The following ASTN2 variants were observed in gnomAD, a reference collection of about 807,000 sequenced individuals.
ASTN2 encodes the protein astrotactin 2, also known as astrotactin-2.
ASTN2 carries 54 observed loss-of-function variants against 139.8 expected under a neutral mutation model. The ratio of observed to expected loss-of-function variants is 0.39; its 90% CI spans 0.31 to 0.48. ASTN2 has a LOEUF of 0.48. Among genes scored for constraint, ASTN2 ranks in the 20% least tolerant of loss-of-function variants. The probability of loss-of-function intolerance (pLI) is 0.95; values close to 1 mark genes in which losing one functional copy is unlikely to be tolerated. For synonymous variants in ASTN2, 756 were observed against 719.5 expected (o/e 1.05, Z -0.81); for missense variants, 1,565 against 1,725.1 (o/e 0.91, Z 1.64).
At chr9:117,125,020 C>T (rs1237495967) in intron 4 of ASTN2, among the ~76,000 whole-genome samples, 1 of 152,132 alleles carries the variant, frequency 6.6e-6, no homozygotes, top group Non-Finnish European at 1.5e-5. Flanking sequence ...TCTACAAACA[C>T]AAGACATTGC....
chr9:116,620,343 C>T lies in ASTN2; in HGVS notation c.3173G>A (p.Gly1058Glu). ...CAGAAGGGGGCTGCAGTTGGGGAGC[C>T]CATTGGCATCAAAGGCGCTGAGGTC... ...RCDLSAFDAN[G>E]LPNCSPLLQP... Residue 1058 changes from glycine to glutamate, a missense_variant, in exon 18 of 23, where the codon GGG (glycine) becomes GAG (glutamate). Transcript: ENST00000313400. 1 of 1,614,062 alleles carries T rather than the reference C, an allele frequency of 6.2e-7. No individual in the cohort carries two copies. Among genetic ancestry groups the T allele is most frequent in the Non-Finnish European group, 8.5e-7 (1 of 1,180,016 alleles).
intron 16 of ASTN2, among the ~76,000 whole-genome samples, chr9:116,665,992 A>T (rs1163477291): frequency 6.6e-6 from 1 of 152,214 alleles, no homozygotes; most frequent in Non-Finnish European, 1.5e-5. Context: ...ATTTCAGGGT[A>T]ACCATATTTT....
At chr9:116,955,637 C>A (rs551269323) in intron 10 of ASTN2, among the ~76,000 whole-genome samples, 1 of 152,310 alleles carries the variant, frequency 6.6e-6, no homozygotes, top group East Asian at 1.9e-4. Context: ...GGAAAAATTA[C>A]CAGCTTTGGA....
At chr9:117,193,639 C>CA (rs61700943) in intron 3 of ASTN2, among the ~76,000 whole-genome samples, 2,850 of 106,086 alleles carry the variant, frequency 0.027, 125 homozygotes, top group East Asian at 0.09. Flanking sequence ...ATTCAGTCAC[C>CA]AAAAAAAAAA....
intron 19 of ASTN2, among the ~76,000 whole-genome samples, chr9:116,529,380 T>C (rs1290914016): frequency 1.3e-5 from 2 of 152,136 alleles, no homozygotes; most frequent in African/African-American, 2.4e-5. Flanking sequence ...ATTTCTCCCA[T>C]TTGTAATGAG....
intron 1 of ASTN2, among the ~76,000 whole-genome samples, chr9:117,399,745 G>C (rs1188504123): frequency 6.6e-6 from 1 of 152,184 alleles, no homozygotes; most frequent in African/African-American, 2.4e-5. Flanking sequence ...ATTACTAAAA[G>C]GTCTTAACAC....
intron 2 of ASTN2, among the ~76,000 whole-genome samples, chr9:117,286,728 G>T (rs1203869045): frequency 6.6e-6 from 1 of 152,190 alleles, no homozygotes; most frequent in African/African-American, 2.4e-5. Flanking sequence ...TCTATAAAAT[G>T]CTGGCATGAG....
At chr9:116,629,789 A>G (rs980157177) in intron 17 of ASTN2, among the ~76,000 whole-genome samples, 2 of 152,160 alleles carry the variant, frequency 1.3e-5, no homozygotes, top group African/African-American at 2.4e-5. Context: ...GGAAGAAGAC[A>G]TTTAGAACCA....
At chr9:116,590,067 G>C (rs1854317426) in intron 19 of ASTN2, among the ~76,000 whole-genome samples, 1 of 152,218 alleles carries the variant, frequency 6.6e-6, no homozygotes, top group African/African-American at 2.4e-5. Context: ...AAAGACACCG[G>C]CTGCAGCAGG....
intron 20 of ASTN2, among the ~76,000 whole-genome samples, chr9:116,473,611 T>C (rs1317893089): frequency 6.6e-6 from 1 of 152,126 alleles, no homozygotes; most frequent in Non-Finnish European, 1.5e-5. Context: ...TAAAGACCTA[T>C]TCAAGGCCAG....
intron 19 of ASTN2, among the ~76,000 whole-genome samples, chr9:116,590,123 A>G (rs1171665583): frequency 6.6e-6 from 1 of 152,188 alleles, no homozygotes. Context: ...GGCAGGAGCT[A>G]GGAACAGGTA....
At chr9:116,768,552 A>G (rs1829873607) in intron 13 of ASTN2, among the ~76,000 whole-genome samples, 1 of 152,200 alleles carries the variant, frequency 6.6e-6, no homozygotes, top group Non-Finnish European at 1.5e-5. Context: ...CTATGGTCTG[A>G]ATATTTCTGT....
intron 5 of ASTN2, among the ~76,000 whole-genome samples, chr9:117,088,970 T>C (rs1313580949): frequency 6.6e-6 from 1 of 152,186 alleles, no homozygotes; most frequent in African/African-American, 2.4e-5. Context: ...GCACTTCTCA[T>C]CTGGACTTTC....
chr9:117,123,457 T>G (rs760807461), intron 4 of ASTN2, among the ~76,000 whole-genome samples: 1 of 152,124 alleles, frequency 6.6e-6, no homozygotes, highest in African/African-American at 2.4e-5. Flanking sequence ...TTTTCTCACC[T>G]GTAAAATATG....
At chr9:117,169,787 G>A (rs894698359) in intron 3 of ASTN2, among the ~76,000 whole-genome samples, 2 of 152,130 alleles carry the variant, frequency 1.3e-5, no homozygotes, top group African/African-American at 4.8e-5. Flanking sequence ...ATGAATTAGA[G>A]ACAGCTTTTA....
intron 2 of ASTN2, among the ~76,000 whole-genome samples, chr9:117,252,465 C>A (rs993494215): frequency 3.9e-5 from 6 of 152,158 alleles, no homozygotes; most frequent in African/African-American, 1.4e-4. Context: ...TCTCAAAGTG[C>A]CAGACACGCA....
chr9:117,245,022 A>G (rs1040008991), intron 2 of ASTN2, among the ~76,000 whole-genome samples: 1 of 152,088 alleles, frequency 6.6e-6, no homozygotes, highest in African/African-American at 2.4e-5. Flanking sequence ...GAAGATGAAT[A>G]TGCAGCAGAC....
chr9:117,074,362 G>C (rs910330044), intron 5 of ASTN2, among the ~76,000 whole-genome samples: 11 of 152,190 alleles, frequency 7.2e-5, no homozygotes, highest in Admixed American at 5.2e-4. Context: ...AGTGACATTT[G>C]GTCTGAGGGA....
chr9:116,658,846 T>C (rs1219723102), intron 16 of ASTN2, among the ~76,000 whole-genome samples: 1 of 151,204 alleles, frequency 6.6e-6, no homozygotes, highest in Non-Finnish European at 1.5e-5. Flanking sequence ...ATGCTCCTAT[T>C]GGGAAAGATA....
Sources: gnomAD v4.1 joint callset for allele counts (sites outside exome capture counted in the v4.1 genomes callset) on GRCh38, gnomAD v4.1.1 for gene constraint, MANE v1.5 for transcripts, NCBI Gene and HGNC (gene_info 2026-07-23, HGNC 2026-07-21) for gene names.